ASH1L: variants seen among roughly 807,000 people sequenced by gnomAD.
The protein encoded by ASH1L is histone-lysine N-methyltransferase ASH1L.
Under a neutral mutation model 269.0 loss-of-function variants are expected in ASH1L, and 23 were observed. The ratio of observed to expected loss-of-function variants is 0.09; its 90% CI spans 0.06 to 0.12. The LOEUF is 0.12. Among genes scored for constraint, ASH1L ranks in the 10% least tolerant of loss-of-function variants. ASH1L has a pLI of 1.00. For synonymous variants in ASH1L, 1,187 were observed against 1,253.5 expected (o/e 0.95, Z 1.12); for missense variants, 2,912 against 3,567.8 (o/e 0.82, Z 4.68).
chr1:155,418,912 A>T (rs770662242), intron 5 of ASH1L, among the ~76,000 whole-genome samples: 1 of 152,098 alleles, frequency 6.6e-6, no homozygotes, highest in Non-Finnish European at 1.5e-5. Context: ...TACTAAAAAT[A>T]AAAAAGAAAT....
intron 2 of ASH1L, among the ~76,000 whole-genome samples, chr1:155,513,679 T>C (rs777629404): frequency 2.0e-4 from 31 of 151,586 alleles, no homozygotes; most frequent in Non-Finnish European, 1.9e-4. Flanking sequence ...CTTCCACATA[T>C]ATACATACCC....
intron 17 of ASH1L, among the ~76,000 whole-genome samples, chr1:155,351,593 G>GT (rs1282855776): frequency 6.6e-6 from 1 of 152,038 alleles, no homozygotes; most frequent in Admixed American, 6.6e-5. Flanking sequence ...GCTCACGCCT[G>GT]TAATCCCATC....
chr1:155,505,903 T>G (rs1040526860), intron 2 of ASH1L, among the ~76,000 whole-genome samples: 1 of 152,194 alleles, frequency 6.6e-6, no homozygotes, highest in Non-Finnish European at 1.5e-5. Flanking sequence ...GTTTGTTACA[T>G]ATGTATACCT....
At chr1:155,548,372 A>G (rs1400684661) in intron 1 of ASH1L, among the ~76,000 whole-genome samples, 1 of 152,034 alleles carries the variant, frequency 6.6e-6, no homozygotes, top group Non-Finnish European at 1.5e-5. Context: ...AAATACAAAA[A>G]TTAGCCGGGC....
chr1:155,344,107 T>G (rs1337583300), intron 22 of ASH1L, 76 bp downstream of exon 22: 1 of 1,292,320 alleles, frequency 7.7e-7, no homozygotes, highest in East Asian at 2.4e-5. Flanking sequence ...ACAATGACTA[T>G]GATGGAGACA....
intron 3 of ASH1L, among the ~76,000 whole-genome samples, chr1:155,460,602 C>CA (rs1664228910): frequency 6.6e-6 from 1 of 152,000 alleles, no homozygotes; most frequent in Admixed American, 6.6e-5. Context: ...AGCAAGACTC[C>CA]ATCTCAAAAA....
Position 155,562,386 on chromosome 1 carries a change from C to A in ASH1L, c.-333G>T. 1.3e-6 allele frequency: 2 copies of A among 1,502,720 alleles called. No homozygotes were observed. Among genetic ancestry groups the A allele is most frequent in the Non-Finnish European group, 1.8e-6 (2 of 1,104,800 alleles). The allele number at this position is 1,502,720 out of a possible 1,614,324, so 93.1% of individuals were successfully genotyped here. A position where few individuals can be genotyped will look rare whatever the true frequency, so the allele number is the denominator to read the frequency against. On this transcript the variant is annotated 5_prime_UTR_variant, in exon 1 of 28. Coordinates refer to ENST00000392403, the MANE Select transcript of ASH1L (RefSeq NM_018489.3). ...CGGGTCCCGCAACCGAGACTGGGAT[C>A]GTCTCCCCTCCGCAAAGCGAACCCA...
intron 10 of ASH1L, among the ~76,000 whole-genome samples, chr1:155,376,902 C>T (rs894545801): frequency 1.3e-5 from 2 of 151,078 alleles, no homozygotes; most frequent in Non-Finnish European, 3.0e-5. Context: ...AGTCATAACT[C>T]ATAATTCTTT....
rs754036860 is a variant in ASH1L, at chr1:155,439,062, C to T, written c.5093G>A (p.Gly1698Glu). Residue 1698 changes from glycine to glutamate, a missense_variant, in exon 5 of 28, where the codon GGA becomes GAA. Gly to Glu is a moderately conservative substitution (Grantham distance 98). Transcript: ENST00000392403. ...TAATCTTGGACTTCGAGAGGGAACT[C>T]CGTTTACTGAAAGAGACAATAAATC... ...SSESTSSTVNGVPSRSPRLVA... is the reference protein window; with the variant it reads ...SSESTSSTVNEVPSRSPRLVA... 5 of 1,599,522 alleles carry T rather than the reference C, an allele frequency of 3.1e-6. No homozygotes were observed. The highest frequency in any genetic ancestry group is 4.3e-6 in the Non-Finnish European group (5 of 1,173,688).
chr1:155,357,242 G>GTTTCATAAT (rs1654499468), intron 15 of ASH1L, 74 bp downstream of exon 15: 1 of 1,228,768 alleles, frequency 8.1e-7, no homozygotes, highest in Admixed American at 2.0e-5. Context: ...CAATATAGAA[G>GTTTCATAAT]TTTCATAATT....
In ASH1L at chr1:155,352,819, C is replaced by G; in HGVS notation, c.7253G>C (p.Arg2418Pro). 6.2e-7 allele frequency: 1 copy of G among 1,613,774 alleles called. No homozygotes were observed. Among genetic ancestry groups the G allele is most frequent in the Non-Finnish European group, 8.5e-7 (1 of 1,179,886 alleles). Residue 2418 changes from arginine to proline, a missense_variant, in exon 17 of 28, where the codon CGA (arginine) becomes CCA (proline). Arg to Pro is a moderately radical substitution (Grantham distance 103). Coordinates refer to ENST00000392403, the MANE Select transcript of ASH1L (RefSeq NM_018489.3). ...MTQFSALQTA[R>P]SVRTRRLAAA... ...TGCCAACCGTCTTGTTCGAACAGAT[C>G]GAGCTGTCTGCAGGGCAGAGAACTG...
At chr1:155,530,535 G>A (rs1669599913) in intron 1 of ASH1L, among the ~76,000 whole-genome samples, 1 of 151,194 alleles carries the variant, frequency 6.6e-6, no homozygotes, top group South Asian at 2.1e-4. Context: ...AGACCAGCCT[G>A]GCCAACATGG....
chr1:155,434,502 G>GT (rs1440580039), intron 5 of ASH1L, among the ~76,000 whole-genome samples: 6 of 109,600 alleles, frequency 5.5e-5, no homozygotes, highest in Admixed American at 9.9e-5. Context: ...CTGGGACACA[G>GT]TAAAAAAAAA....
intron 5 of ASH1L, among the ~76,000 whole-genome samples, chr1:155,432,149 G>A (rs1661659252): frequency 6.6e-6 from 1 of 152,048 alleles, no homozygotes; most frequent in Non-Finnish European, 1.5e-5. Flanking sequence ...TGTATCCCAT[G>A]CTACTCTACT....
At chr1:155,534,193 A>C (rs57334798) in intron 1 of ASH1L, among the ~76,000 whole-genome samples, 6,984 of 151,166 alleles carry the variant, frequency 0.046, 565 homozygotes, top group African/African-American at 0.16. Context: ...AAAAAAAAAA[A>C]ATTTGGAATT....
rs371008148 is a variant in ASH1L at position 155,415,381 on chromosome 1, C to CAAA, written c.6008+360_6008+362dup. On this transcript the variant is annotated intron_variant, in intron 6 of 27. Transcript: ENST00000392403. ...TGGGTGACAGGGCGAGACTCCGTCT[C>CAAA]AAAAAAAAAAAAAAAAACAAAAAAA... Among the ~76,000 whole-genome samples the CAAA allele has an allele frequency of 2.9e-3, 169 of 57,636 alleles. 2 individuals carry two copies. The highest frequency in any genetic ancestry group is 8.2e-3 in the African/African-American group (154 of 18,694). The allele number at this position is 57,636 out of a possible 152,430, so 37.8% of individuals were successfully genotyped here.
At chr1:155,548,677 A>G (rs988878252) in intron 1 of ASH1L, among the ~76,000 whole-genome samples, 3 of 152,204 alleles carry the variant, frequency 2.0e-5, no homozygotes, top group African/African-American at 7.2e-5. Flanking sequence ...GGTATTCTAG[A>G]TAAATTTCTC....
At chr1:155,400,299 T>A (rs1488486631) in intron 6 of ASH1L, among the ~76,000 whole-genome samples, 1 of 149,062 alleles carries the variant, frequency 6.7e-6, no homozygotes, top group African/African-American at 2.5e-5. Context: ...ATCACTGCAA[T>A]CCAGCCTGGG....
chr1:155,427,602 C>T (rs897219640), intron 5 of ASH1L, among the ~76,000 whole-genome samples: 1 of 151,820 alleles, frequency 6.6e-6, no homozygotes, highest in African/African-American at 2.4e-5. Flanking sequence ...CTGCGCCCGG[C>T]TAATTTTTCT....
Sources: gnomAD v4.1 joint callset for allele counts (sites outside exome capture counted in the v4.1 genomes callset) on GRCh38, gnomAD v4.1.1 for gene constraint, MANE v1.5 for transcripts, NCBI Gene and HGNC (gene_info 2026-07-23, HGNC 2026-07-21) for gene names.